Variants in ERC1 observed in about 807,000 individuals in gnomAD.
The protein encoded by ERC1 is ELKS/RAB6-interacting/CAST family member 1.
A neutral mutation model predicts 132.0 loss-of-function variants in ERC1; 56 were observed. The ratio of observed to expected loss-of-function variants is 0.42; its 90% confidence interval spans 0.34 to 0.53. The LOEUF is 0.53. Among genes scored for constraint, ERC1 ranks in the 20% least tolerant of loss-of-function variants. ERC1 has a pLI of 0.03. For missense variants in ERC1, 1,202 were observed against 1,349.9 expected, an observed-to-expected ratio of 0.89 and a Z score of 1.72; for synonymous variants, 478 against 476.1, an observed-to-expected ratio of 1.00 and a Z score of -0.05.
chr12:1,131,242 C>T (rs1199264351), intron 7 of ERC1, among the ~76,000 whole-genome samples: 1 of 151,994 alleles, frequency 6.6e-6, no homozygotes, highest in Non-Finnish European at 1.5e-5. Flanking sequence ...GAGGAGGTTC[C>T]ATGCAGTGAG....
rs1241531729 is a variant in ERC1 at position 1,444,630 on chromosome 12, A to T, written c.3093A>T (p.Thr1031=). Residue 1031 remains threonine, a synonymous_variant, in exon 18 of 19, where the codon ACA becomes ACT. Coordinates refer to ENST00000360905, the MANE Select transcript of ERC1 (RefSeq NM_178040.4). ...SKLKLYIGHL[T]TLCHDRDPLI... is the part of the protein sequence containing the mutation. ...TAAAGTTGTACATTGGACACCTGAC[A>T]ACCCTCTGCCATGACCGAGACCCCC... 1 of 1,614,122 alleles carries T rather than the reference A, an allele frequency of 6.2e-7. No homozygotes were observed. Among genetic ancestry groups the T allele is most frequent in the Non-Finnish European group, 8.5e-7 (1 of 1,179,982 alleles).
Position 1,236,913 on chromosome 12 carries a change from A to G in ERC1, c.2487+9A>G, listed in dbSNP as rs758758893. On this transcript the variant is annotated intron_variant, in intron 13 of 18. Coordinates refer to ENST00000360905, the MANE Select transcript of ERC1 (RefSeq NM_178040.4). Reference sequence around the variant, plus strand: ...GCTCTCAGCAGCTACAGGTTAGAACACAAGGAGAATCTGAAAGGATCGGGT... The same window carrying G: ...GCTCTCAGCAGCTACAGGTTAGAACGCAAGGAGAATCTGAAAGGATCGGGT... 1.9e-6 allele frequency: 3 copies of G among 1,613,374 alleles called. No individual in the cohort carries two copies. Among genetic ancestry groups the G allele is most frequent in the Non-Finnish European group, 2.5e-6 (3 of 1,179,508 alleles).
intron 11 of ERC1, among the ~76,000 whole-genome samples, chr12:1,185,411 A>AT (rs886353841): frequency 6.7e-6 from 1 of 148,852 alleles, no homozygotes; most frequent in Non-Finnish European, 1.5e-5. Context: ...CTATACTCTG[A>AT]TTTTTTTATT....
At chr12:1,052,081 A>G (rs1480303782) in intron 2 of ERC1, among the ~76,000 whole-genome samples, 1 of 152,212 alleles carries the variant, frequency 6.6e-6, no homozygotes, top group African/African-American at 2.4e-5. Flanking sequence ...CTAGTCCCCA[A>G]ACGTAAGTGT....
rs139501986 is a variant in ERC1 at position 1,268,635 on chromosome 12, G to A, written c.2619+5470G>A. The stretch of plus-strand genomic sequence containing the variant: ...TAAAAAATTAGCCAGGTGTGGTGGC[G>A]GGTACCTGTAGTCACAGCTACTCGG... On this transcript the variant is annotated intron_variant, in intron 14 of 18. Coordinates refer to ENST00000360905, the MANE Select transcript of ERC1 (RefSeq NM_178040.4). 2.9e-4 allele frequency among the ~76,000 whole-genome samples: 44 copies of A among 152,174 alleles called. No individual in the cohort carries two copies. In the East Asian group the frequency reaches 6.0e-3, roughly 21 times the overall value.
chr12:1,156,711 T>C (rs563580450), intron 8 of ERC1, among the ~76,000 whole-genome samples: 17 of 152,324 alleles, frequency 1.1e-4, no homozygotes, highest in Admixed American at 9.2e-4. Context: ...ATCAAACCTT[T>C]TTAAATTTCC....
chr12:1,261,474 C>T (rs1214809642), intron 13 of ERC1, among the ~76,000 whole-genome samples: 9 of 152,106 alleles, frequency 5.9e-5, no homozygotes, highest in Non-Finnish European at 1.2e-4. Flanking sequence ...TCATTGCATC[C>T]ATCTCTTAGT....
chr12:1,416,729 C>T (rs2092137369), intron 17 of ERC1, among the ~76,000 whole-genome samples: 1 of 152,200 alleles, frequency 6.6e-6, no homozygotes, highest in Admixed American at 6.5e-5. Flanking sequence ...TTTCAAACTC[C>T]TGTGTACCTC....
In ERC1 at chr12:1,013,844, G is replaced by C. The variant is rs923908669; in HGVS notation, c.-156-13904G>C. ...ACTCCTGGGCTCAAGCTGTCTTACT[G>C]CTACAGCCTCCCAAGTAGCTAGGGC... On this transcript the variant is annotated intron_variant, in intron 1 of 18. Coordinates refer to ENST00000360905, the MANE Select transcript of ERC1 (RefSeq NM_178040.4). 3.9e-5 allele frequency among the ~76,000 whole-genome samples: 6 copies of C among 152,088 alleles called. No individual in the cohort carries two copies. In the South Asian group the frequency reaches 1.2e-3, roughly 32 times the overall value.
At chr12:1,204,361 T>C in intron 12 of ERC1, 1 of 532,866 alleles carries the variant, frequency 1.9e-6, no homozygotes. Context: ...TTTTAGTGAC[T>C]GTATAGAATT....
chr12:1,082,630 A>G (rs899930809), intron 2 of ERC1, among the ~76,000 whole-genome samples: 3 of 151,528 alleles, frequency 2.0e-5, no homozygotes, highest in African/African-American at 7.3e-5. Flanking sequence ...AGCTCAGATT[A>G]CAGGCACACG....
chr12:1,250,378 C>T (rs773255060), intron 13 of ERC1, among the ~76,000 whole-genome samples: 15 of 152,228 alleles, frequency 9.9e-5, no homozygotes, highest in Non-Finnish European at 2.2e-4. Context: ...ACATACTTTT[C>T]AATACATTGT....
At chr12:1,268,779 G>A (rs2077633839) in intron 14 of ERC1, among the ~76,000 whole-genome samples, 1 of 152,218 alleles carries the variant, frequency 6.6e-6, no homozygotes, top group Non-Finnish European at 1.5e-5. Flanking sequence ...AAGAAAGAAA[G>A]AAAGAACTAG....
At chr12:1,278,094 T>TG (rs1371224649) in intron 14 of ERC1, among the ~76,000 whole-genome samples, 1 of 152,194 alleles carries the variant, frequency 6.6e-6, no homozygotes, top group African/African-American at 2.4e-5. Context: ...TCTGCCTTCA[T>TG]GGTGACAGCT....
chr12:1,353,613 G>A (rs1173406662), intron 15 of ERC1, among the ~76,000 whole-genome samples: 3 of 152,146 alleles, frequency 2.0e-5, no homozygotes, highest in Non-Finnish European at 4.4e-5. Context: ...TAGGCTGGGG[G>A]GCCACTTGGC....
At chr12:1,158,825 G>A (rs1318152911) in intron 8 of ERC1, among the ~76,000 whole-genome samples, 1 of 151,742 alleles carries the variant, frequency 6.6e-6, no homozygotes, top group African/African-American at 2.4e-5. Flanking sequence ...AAGGGTTATG[G>A]GTGCTATCCC....
At chr12:1,397,725 T>C (rs2090659765) in intron 16 of ERC1, among the ~76,000 whole-genome samples, 1 of 152,044 alleles carries the variant, frequency 6.6e-6, no homozygotes, top group African/African-American at 2.4e-5. Flanking sequence ...GAGACAGGGG[T>C]GGAAGCAAGC....
intron 11 of ERC1, among the ~76,000 whole-genome samples, chr12:1,186,544 C>G (rs1955114807): frequency 6.6e-6 from 1 of 152,158 alleles, no homozygotes; most frequent in South Asian, 2.1e-4. Flanking sequence ...ATATTTTATA[C>G]AAATACTGTT....
At chr12:1,034,234 A>G (rs765004455) in intron 2 of ERC1, among the ~76,000 whole-genome samples, 15 of 152,084 alleles carry the variant, frequency 9.9e-5, no homozygotes, top group Non-Finnish European at 2.1e-4. Context: ...ATAAAAAATC[A>G]CAGTTTGATT....
Sources: allele counts gnomAD v4.1 joint callset (sites outside exome capture counted in the v4.1 genomes callset), GRCh38; gene constraint gnomAD v4.1.1; transcripts MANE v1.5; gene names NCBI Gene and HGNC (gene_info 2026-07-23, HGNC 2026-07-21).